The following SLC67A1 variants were observed in gnomAD, a reference collection of about 807,000 sequenced individuals.
The protein encoded by SLC67A1 is solute carrier family 67 member A1.
chr11:2,922,178 T>C, the SLC67A1 span: 1 of 1,613,550 alleles, frequency 6.2e-7, no homozygotes, highest in Non-Finnish European at 8.5e-7. Flanking sequence ...AGCGTGCTGG[T>C]CTTCATCGTG....
the SLC67A1 span, chr11:2,903,832 G>A: frequency 6.3e-6 from 2 of 319,896 alleles, no homozygotes; most frequent in Non-Finnish European, 1.2e-5. Flanking sequence ...TGCCCCAAGG[G>A]CTGTTCAATC....
chr11:2,922,364 C>T, the SLC67A1 span: 2 of 1,575,134 alleles, frequency 1.3e-6, no homozygotes, highest in Non-Finnish European at 1.7e-6. Flanking sequence ...TGGGGAGGGA[C>T]AGGTAAGACC....
At chr11:2,903,334 C>T in the SLC67A1 span, 9 of 1,611,778 alleles carry the variant, frequency 5.6e-6, no homozygotes, top group East Asian at 8.9e-5. Flanking sequence ...CTCCCTGCTG[C>T]GCCTGTCCAG....
At chr11:2,913,091 A>T in the SLC67A1 span, among the ~76,000 whole-genome samples, 1 of 151,906 alleles carries the variant, frequency 6.6e-6, no homozygotes, top group Non-Finnish European at 1.5e-5. Flanking sequence ...GTAACAGGGC[A>T]CCTGCTGTAC....
At chr11:2,916,611 G>A in the SLC67A1 span, 1 of 1,606,746 alleles carries the variant, frequency 6.2e-7, no homozygotes, top group Non-Finnish European at 8.5e-7. Context: ...AGCCGAGGCT[G>A]TTGCCCGCAG....
chr11:2,902,835 T>C, the SLC67A1 span: 3 of 726,336 alleles, frequency 4.1e-6, no homozygotes, highest in Non-Finnish European at 5.1e-6. Flanking sequence ...AGACCTTCCC[T>C]GAGAGCTGCA....
chr11:2,914,029 C>T, the SLC67A1 span, among the ~76,000 whole-genome samples: 13 of 6,982 alleles, frequency 1.9e-3, no homozygotes, highest in Middle Eastern at 0.091. Context: ...TAGGGGCAGC[C>T]GGCAGCTGTG....
the SLC67A1 span, chr11:2,922,394 C>A: frequency 6.3e-7 from 1 of 1,598,436 alleles, no homozygotes; most frequent in East Asian, 2.3e-5. Flanking sequence ...AGCCTGGTCC[C>A]GTGAGGCCCC....
chr11:2,909,672 C>G, the SLC67A1 span: 5 of 1,541,624 alleles, frequency 3.2e-6, no homozygotes, highest in Admixed American at 5.8e-5. Context: ...GAGTCATCCT[C>G]GGCTCCCTGC....
the SLC67A1 span, chr11:2,909,828 C>T: frequency 8.0e-6 from 9 of 1,131,654 alleles, no homozygotes; most frequent in Middle Eastern, 8.7e-4. Flanking sequence ...CGAGTGGCCA[C>T]GTGATGTGGC....
the SLC67A1 span, chr11:2,909,298 C>T: frequency 7.2e-6 from 11 of 1,534,144 alleles, no homozygotes; most frequent in East Asian, 2.7e-4. Context: ...CGGCCCTGCC[C>T]GGGGTCTACC....
chr11:2,910,801 C>T, the SLC67A1 span, among the ~76,000 whole-genome samples: 10 of 152,168 alleles, frequency 6.6e-5, no homozygotes, highest in African/African-American at 1.4e-4. Context: ...GGGAGCCTGG[C>T]GCCTTGCGCA....
chr11:2,914,787 C>G, the SLC67A1 span: 1 of 985,434 alleles, frequency 1.0e-6, no homozygotes, highest in Non-Finnish European at 1.2e-6. Context: ...CCCTGCCCAG[C>G]CAGACCCTGA....
chr11:2,914,197 G>A, the SLC67A1 span, among the ~76,000 whole-genome samples: 4 of 152,236 alleles, frequency 2.6e-5, no homozygotes, highest in African/African-American at 9.6e-5. Context: ...AGAGCAGGAG[G>A]AGACAAAGAC....
At chr11:2,908,169 A>G in the SLC67A1 span, 4 of 928,198 alleles carry the variant, frequency 4.3e-6, no homozygotes, top group Non-Finnish European at 6.9e-6. Context: ...CCATCCAGGG[A>G]CCCCAGATTC....
At chr11:2,916,684 C>T in the SLC67A1 span, 2 of 1,612,952 alleles carry the variant, frequency 1.2e-6, no homozygotes, top group South Asian at 2.2e-5. Flanking sequence ...CTCAGCTTCA[C>T]CTGCATCCCC....
At chr11:2,900,792 C>T in the SLC67A1 span, among the ~76,000 whole-genome samples, 1 of 151,256 alleles carries the variant, frequency 6.6e-6, no homozygotes, top group South Asian at 2.1e-4. Context: ...CACAGATGAA[C>T]CAAGGGACCT....
At chr11:2,919,664 C>T in the SLC67A1 span, 1 of 538,154 alleles carries the variant, frequency 1.9e-6, no homozygotes. Flanking sequence ...CACCTGCCCA[C>T]CAGCTGTGTG....
chr11:2,919,433 G>A, the SLC67A1 span: 1 of 1,548,892 alleles, frequency 6.5e-7, no homozygotes, highest in Non-Finnish European at 8.9e-7. Flanking sequence ...GGGCCTGCTG[G>A]GGGGCACGGC....
Sources: gnomAD v4.1 joint callset for allele counts (sites outside exome capture counted in the v4.1 genomes callset) on GRCh38, gnomAD v4.1.1 for gene constraint, MANE v1.5 for transcripts, NCBI Gene and HGNC (gene_info 2026-07-23, HGNC 2026-07-21) for gene names.